Variants in ASIC2 observed in about 807,000 individuals in gnomAD.
ASIC2 encodes the protein acid sensing ion channel subunit 2, also known as acid-sensing ion channel 2.
Under a neutral mutation model 57.3 loss-of-function variants are expected in ASIC2, and 25 were observed. The ratio of observed to expected loss-of-function variants is 0.44; its 90% CI spans 0.32 to 0.61. The LOEUF (loss-of-function observed/expected upper bound fraction) is 0.61, where lower values mean the gene tolerates loss of function less well. Among genes scored for constraint, ASIC2 ranks in the 20% least tolerant of loss-of-function variants. The pLI, the probability that ASIC2 is intolerant of heterozygous loss-of-function variation, is 0.06. For missense variants in ASIC2, 641 were observed against 738.1 expected, an observed-to-expected ratio of 0.87 and a Z score of 1.52; for synonymous variants, 319 against 307.5, an observed-to-expected ratio of 1.04 and a Z score of -0.39.
chr17:34,086,741 T>C (rs1170671675), intron 1 of ASIC2, among the ~76,000 whole-genome samples: 1 of 152,232 alleles, frequency 6.6e-6, no homozygotes, highest in Non-Finnish European at 1.5e-5. Context: ...GGTGCGTATA[T>C]ATTTAGGATA....
chr17:33,649,138 G>A (rs915175717), intron 1 of ASIC2, among the ~76,000 whole-genome samples: 4 of 152,146 alleles, frequency 2.6e-5, no homozygotes, highest in African/African-American at 9.7e-5. Flanking sequence ...TTGAAATTAC[G>A]TGATTGTCTA....
intron 1 of ASIC2, among the ~76,000 whole-genome samples, chr17:34,099,156 GAGAGAGAGAAAGAAAGAA>G (rs1910685793): frequency 2.4e-4 from 3 of 12,592 alleles, no homozygotes; most frequent in African/African-American, 8.4e-4. Flanking sequence ...CAGAGAGAGA[GAGAGAGAGAAAGAAAGAA>G]AGAAAGAAAG....
chr17:33,926,240 C>T (rs1915819464), intron 1 of ASIC2, among the ~76,000 whole-genome samples: 1 of 152,118 alleles, frequency 6.6e-6, no homozygotes, highest in Non-Finnish European at 1.5e-5. Flanking sequence ...GTACTAAGTG[C>T]TTTATATGGA....
intron 1 of ASIC2, among the ~76,000 whole-genome samples, chr17:33,512,280 G>A (rs542247863): frequency 2.6e-5 from 4 of 152,300 alleles, no homozygotes; most frequent in African/African-American, 7.2e-5. Context: ...CACCTCCAGA[G>A]GCTAGAGCCT....
At chr17:33,788,179 A>G (rs537670184) in intron 1 of ASIC2, among the ~76,000 whole-genome samples, 1 of 152,306 alleles carries the variant, frequency 6.6e-6, no homozygotes, top group East Asian at 1.9e-4. Context: ...AGGTCTAATT[A>G]TCCAGAATTT....
At chr17:34,128,205 G>A (rs984131442) in intron 1 of ASIC2, among the ~76,000 whole-genome samples, 2 of 152,214 alleles carry the variant, frequency 1.3e-5, no homozygotes, top group Non-Finnish European at 2.9e-5. Flanking sequence ...ATCAGAAGCT[G>A]TGAGGGTTTA....
At chr17:33,767,820 G>C (rs1457872609) in intron 1 of ASIC2, among the ~76,000 whole-genome samples, 1 of 152,102 alleles carries the variant, frequency 6.6e-6, no homozygotes, top group Admixed American at 6.6e-5. Context: ...GTTAGTTAAG[G>C]TTGTAAACTT....
intron 1 of ASIC2, among the ~76,000 whole-genome samples, chr17:33,489,591 T>C (rs1913686444): frequency 6.6e-6 from 1 of 152,168 alleles, no homozygotes; most frequent in Non-Finnish European, 1.5e-5. Context: ...GGAGACTCCA[T>C]CTCTAAGACC....
intron 1 of ASIC2, among the ~76,000 whole-genome samples, chr17:33,961,960 A>T (rs1266744018): frequency 2.0e-5 from 3 of 152,200 alleles, no homozygotes; most frequent in Non-Finnish European, 2.9e-5. Context: ...ATATCAGCGT[A>T]AAACTCACAT....
intron 1 of ASIC2, among the ~76,000 whole-genome samples, chr17:33,580,975 T>C (rs906683634): frequency 6.6e-6 from 1 of 152,174 alleles, no homozygotes; most frequent in Non-Finnish European, 1.5e-5. Context: ...ATCCTCAAGA[T>C]CACACCTCTA....
At chr17:33,955,033 T>C (rs1904691048) in intron 1 of ASIC2, 1 of 152,256 alleles carries the variant, frequency 6.6e-6, no homozygotes, top group Non-Finnish European at 1.5e-5. Flanking sequence ...CACTGATTTC[T>C]TGCTTGCATC....
chr17:33,256,518 G>A (rs1909082027), intron 1 of ASIC2, among the ~76,000 whole-genome samples: 1 of 152,002 alleles, frequency 6.6e-6, no homozygotes, highest in African/African-American at 2.4e-5. Context: ...GAAATGAATT[G>A]GCATAAAAAA....
chr17:33,525,046 C>T (rs1914846811), intron 1 of ASIC2, among the ~76,000 whole-genome samples: 1 of 152,206 alleles, frequency 6.6e-6, no homozygotes, highest in Non-Finnish European at 1.5e-5. Flanking sequence ...ATCCCAGTCT[C>T]TTCTGTTCCC....
chr17:34,031,353 C>T (rs1470590663), intron 1 of ASIC2, among the ~76,000 whole-genome samples: 2 of 152,098 alleles, frequency 1.3e-5, no homozygotes, highest in African/African-American at 2.4e-5. Context: ...ACACCAAAAA[C>T]CCATCTGTAC....
intron 3 of ASIC2, among the ~76,000 whole-genome samples, chr17:33,056,003 T>G (rs1478937146): frequency 6.6e-6 from 1 of 152,210 alleles, no homozygotes; most frequent in African/African-American, 2.4e-5. Context: ...CTCCAAGTAC[T>G]AGTATTTTTC....
chr17:33,920,306 T>C (rs571774647), intron 1 of ASIC2, among the ~76,000 whole-genome samples: 7 of 152,266 alleles, frequency 4.6e-5, no homozygotes, highest in African/African-American at 1.7e-4. Flanking sequence ...GGAATCAACC[T>C]AGGTGCCAAT....
intron 1 of ASIC2, among the ~76,000 whole-genome samples, chr17:33,486,894 T>C (rs902976180): frequency 2.0e-5 from 3 of 151,902 alleles, no homozygotes; most frequent in Non-Finnish European, 1.5e-5. Flanking sequence ...CAGTGCTGAG[T>C]TTTCTCTCTG....
In ASIC2 at chr17:33,740,809, G is replaced by T. The variant is rs200686498; in HGVS notation, c.555+415169C>A. ...TGCCTTAGCCACTACTATGGGTTGT[G>T]GGGTATGGTTCTGGGACCAGATGGG... On this transcript the variant is annotated intron_variant, in intron 1 of 9. Transcript: ENST00000359872. Among the ~76,000 whole-genome samples, 85 of 152,310 alleles carry T rather than the reference G, an allele frequency of 5.6e-4. No homozygotes were observed. The East Asian group carries it at 0.015, about 28-fold the overall frequency.
intron 3 of ASIC2, among the ~76,000 whole-genome samples, chr17:33,062,845 C>T (rs2092026551): frequency 7.0e-6 from 1 of 143,328 alleles, no homozygotes; most frequent in African/African-American, 2.6e-5. Context: ...TCTGGGTGCT[C>T]CTGTATTGGG....
Sources: gnomAD v4.1 joint callset for allele counts (sites outside exome capture counted in the v4.1 genomes callset) on GRCh38, gnomAD v4.1.1 for gene constraint, MANE v1.5 for transcripts, NCBI Gene and HGNC (gene_info 2026-07-23, HGNC 2026-07-21) for gene names.